Variants in ZC4H2 observed in about 807,000 individuals in gnomAD.
ZC4H2 encodes zinc finger C4H2-type containing.
For missense variants in ZC4H2, 137 were observed against 173.9 expected (o/e 0.79, Z 1.19); for synonymous variants, 84 against 66.3 (o/e 1.27, Z -1.30).
rs1230242512 is a variant in ZC4H2, at chrX:64,954,340, T to TTATATA, written c.53+21979_53+21984dup. On this transcript the variant is annotated intron_variant, in intron 1 of 4. Transcript: ENST00000374839. ...TAATTATATATATATATATATATAA[T>TTATATA]TATATATATATATAATTATATATAT... 9.9e-5 allele frequency among the ~76,000 whole-genome samples: 7 copies of TTATATA among 70,670 alleles called. 1 individual carries two copies. Among genetic ancestry groups the TTATATA allele is most frequent in the African/African-American group, 6.0e-4 (7 of 11,644 alleles). The allele number at this position is 70,670 out of a possible 115,157, so 61.4% of individuals were successfully genotyped here.
At position 65,011,271 on chromosome X, in the gene ZC4H2, C is replaced by T. The variant is rs537099425; in HGVS notation, c.-272+23358G>A. On this transcript the variant is annotated intron_variant, in intron 1 of 4. Coordinates refer to the ZC4H2 transcript ENST00000337990. ...AAAGGTGAGTGACTTGTTTCAGGGT[C>T]GCTTAGCTAAGTGACTGAGGCTAGA... is the stretch of plus-strand genomic sequence containing the variant. Among the ~76,000 whole-genome samples the T allele has an allele frequency of 7.2e-5, 8 of 111,516 alleles. No homozygotes were observed. The South Asian group carries it at 2.7e-3, about 37-fold the overall frequency.
chrX:64,986,824 G>C (rs1932195037), intron 1 of ZC4H2, among the ~76,000 whole-genome samples: 1 of 110,781 alleles, frequency 9.0e-6, no homozygotes, highest in Admixed American at 9.6e-5. Context: ...ATAAAGACTG[G>C]GACAAAATGT....
intron 1 of ZC4H2, among the ~76,000 whole-genome samples, chrX:64,926,972 A>G (rs1420715887): frequency 1.8e-5 from 2 of 111,464 alleles, no homozygotes; most frequent in Non-Finnish European, 3.8e-5. Flanking sequence ...CTCACTGTTG[A>G]GTTTTAATAT....
At chrX:65,029,096 A>G (rs1452911159) in intron 1 of ZC4H2, among the ~76,000 whole-genome samples, 1 of 110,709 alleles carries the variant, frequency 9.0e-6, no homozygotes, top group Non-Finnish European at 1.9e-5. Flanking sequence ...TGGGAGGGGG[A>G]AAACTAACGT....
At chrX:64,931,603 G>A (rs1490539344) in intron 1 of ZC4H2, among the ~76,000 whole-genome samples, 1 of 111,289 alleles carries the variant, frequency 9.0e-6, no homozygotes, top group African/African-American at 3.3e-5. Flanking sequence ...TGATTTCATT[G>A]TTGACCCAAA....
chrX:65,024,948 C>T (rs1324081547), intron 1 of ZC4H2, among the ~76,000 whole-genome samples: 2 of 110,818 alleles, frequency 1.8e-5, no homozygotes, highest in Non-Finnish European at 1.9e-5. Context: ...GTATTATGCT[C>T]ATTACTTGGT....
chrX:65,002,766 C>G (rs1423712399), intron 1 of ZC4H2, among the ~76,000 whole-genome samples: 2 of 75,953 alleles, frequency 2.6e-5, no homozygotes, highest in Non-Finnish European at 5.6e-5. Context: ...ACCCCCAACC[C>G]GGTGCTCTCT....
intron 1 of ZC4H2, among the ~76,000 whole-genome samples, chrX:64,960,358 T>A (rs923563705): frequency 9.0e-6 from 1 of 110,854 alleles, no homozygotes; most frequent in African/African-American, 3.3e-5. Flanking sequence ...TTTCAGAGGA[T>A]CCAACTCCAC....
chrX:64,916,399 T>C lies in ZC4H2; in HGVS notation c.*1384A>G, dbSNP rs890555888. 5 of 112,034 alleles carry C rather than the reference T, an allele frequency of 4.5e-5. No homozygotes were observed. In the Admixed American group the frequency reaches 4.7e-4, roughly 11 times the overall value. The allele number at this position is 112,034 out of a possible 1,213,427, so 9.2% of individuals were successfully genotyped here. ...AGAAAGGTAAATGACATTACATCTT[T>C]TGTATTATCCAATACACAGTAGATA... On this transcript the variant is annotated 3_prime_UTR_variant, in exon 5 of 5. Coordinates refer to ENST00000374839, the MANE Select transcript of ZC4H2 (RefSeq NM_018684.4).
intron 1 of ZC4H2, among the ~76,000 whole-genome samples, chrX:64,923,230 C>T (rs1011192173): frequency 2.7e-5 from 3 of 111,640 alleles, no homozygotes; most frequent in Non-Finnish European, 5.6e-5. Context: ...ATGGATGTGA[C>T]TAAATAAGAA....
intron 1 of ZC4H2, among the ~76,000 whole-genome samples, chrX:65,033,612 T>C (rs1932965190): frequency 8.9e-6 from 1 of 112,017 alleles, no homozygotes; most frequent in South Asian, 3.7e-4. Flanking sequence ...TTCTCCTTTA[T>C]TATAGATAAT....
intron 1 of ZC4H2, among the ~76,000 whole-genome samples, chrX:64,956,805 G>T (rs1330401460): frequency 9.2e-6 from 1 of 109,264 alleles, no homozygotes; most frequent in South Asian, 3.8e-4. Flanking sequence ...CTGCAAACAG[G>T]ATGTTACAGC....
At chrX:64,959,471 T>C (rs751880591) in intron 1 of ZC4H2, among the ~76,000 whole-genome samples, 100 of 104,457 alleles carry the variant, frequency 9.6e-4, no homozygotes, top group African/African-American at 3.4e-3. Context: ...AATTACAGTA[T>C]AACAAATTGT....
chrX:64,940,731 G>T (rs2147373959), intron 1 of ZC4H2, among the ~76,000 whole-genome samples: 1 of 110,803 alleles, frequency 9.0e-6, no homozygotes, highest in African/African-American at 3.3e-5. Flanking sequence ...TATTTCTGAG[G>T]CCTCTGTTCT....
At chrX:64,996,894 G>A (rs1378956735) in intron 1 of ZC4H2, among the ~76,000 whole-genome samples, 2 of 111,052 alleles carry the variant, frequency 1.8e-5, no homozygotes, top group Non-Finnish European at 3.8e-5. Context: ...ATCCTAGAAC[G>A]AAAAAAGAGA....
intron 3 of ZC4H2, 38 bp from the exon 4 acceptor site, chrX:64,919,242 A>G: frequency 8.3e-7 from 1 of 1,201,054 alleles, no homozygotes; most frequent in Non-Finnish European, 1.1e-6. Context: ...TCATTCTGAA[A>G]GCAATGAGAA....
At chrX:65,012,560 C>T (rs1438099431) in intron 1 of ZC4H2, among the ~76,000 whole-genome samples, 1 of 111,713 alleles carries the variant, frequency 9.0e-6, no homozygotes, top group African/African-American at 3.3e-5. Context: ...AACATCTGCT[C>T]AACAATCATA....
At chrX:64,999,053 T>G (rs1327403498) in intron 1 of ZC4H2, among the ~76,000 whole-genome samples, 9 of 97,002 alleles carry the variant, frequency 9.3e-5, no homozygotes, top group South Asian at 5.2e-4. Flanking sequence ...TTTTTTTTTT[T>G]TTTTTTTTTT....
At chrX:64,972,792 T>C (rs1477409614) in intron 1 of ZC4H2, among the ~76,000 whole-genome samples, 1 of 111,845 alleles carries the variant, frequency 8.9e-6, no homozygotes, top group Non-Finnish European at 1.9e-5. Context: ...TTAGTTCCTT[T>C]CTTCAGTTTC....
Sources: gnomAD v4.1 joint callset for allele counts (sites outside exome capture counted in the v4.1 genomes callset) on GRCh38, gnomAD v4.1.1 for gene constraint, MANE v1.5 for transcripts, NCBI Gene and HGNC (gene_info 2026-07-23, HGNC 2026-07-21) for gene names.